Variants in PLEKHA5 observed in about 807,000 individuals in gnomAD.
The protein encoded by PLEKHA5 is pleckstrin homology domain-containing family A member 5.
A neutral mutation model predicts 181.9 loss-of-function variants in PLEKHA5; 55 were observed. The observed-to-expected ratio is 0.30, with a 90% confidence interval of 0.24 to 0.38. The LOEUF (loss-of-function observed/expected upper bound fraction) is 0.38. PLEKHA5 is among the 10% of genes least tolerant of loss of function. The probability of loss-of-function intolerance (pLI) is 1.00; values close to 1 mark genes in which losing one functional copy is unlikely to be tolerated. For synonymous variants in PLEKHA5, 535 were observed against 529.4 expected, an observed-to-expected ratio of 1.01 and a Z score of -0.15; for missense variants, 1,432 against 1,549.5, an observed-to-expected ratio of 0.92 and a Z score of 1.27.
chr12:19,262,904 G>A (rs1040252016), intron 7 of PLEKHA5, among the ~76,000 whole-genome samples: 2 of 152,114 alleles, frequency 1.3e-5, no homozygotes, highest in Admixed American at 1.3e-4. Context: ...CAAAAAACAA[G>A]CCATGCTGAG....
intron 25 of PLEKHA5, among the ~76,000 whole-genome samples, chr12:19,353,403 C>G (rs555389934): frequency 1.3e-5 from 2 of 152,078 alleles, no homozygotes; most frequent in Non-Finnish European, 2.9e-5. Flanking sequence ...GTGATTCACC[C>G]GCCTCAGCCT....
chr12:19,168,007 T>A (rs1466402841), intron 3 of PLEKHA5, among the ~76,000 whole-genome samples: 1 of 152,194 alleles, frequency 6.6e-6, no homozygotes, highest in African/African-American at 2.4e-5. Context: ...AAGTATGATA[T>A]GTATATCGGT....
At chr12:19,142,680 T>C (rs769530171) in intron 3 of PLEKHA5, among the ~76,000 whole-genome samples, 2 of 152,148 alleles carry the variant, frequency 1.3e-5, no homozygotes, top group Non-Finnish European at 2.9e-5. Flanking sequence ...AATTCACATA[T>C]CCACCTATAA....
At chr12:19,259,824 C>A (rs2067926498) in intron 6 of PLEKHA5, among the ~76,000 whole-genome samples, 1 of 141,764 alleles carries the variant, frequency 7.1e-6, no homozygotes, top group African/African-American at 2.6e-5. Flanking sequence ...TTTGGTATAG[C>A]TGTCAATTTT....
At chr12:19,134,921 T>C (rs894880592) in intron 3 of PLEKHA5, among the ~76,000 whole-genome samples, 11 of 152,162 alleles carry the variant, frequency 7.2e-5, no homozygotes, top group Admixed American at 7.2e-4. Context: ...TAGTTTTTCA[T>C]TGTCATTTCT....
chr12:19,159,547 T>C (rs2042504584), intron 3 of PLEKHA5, among the ~76,000 whole-genome samples: 1 of 152,186 alleles, frequency 6.6e-6, no homozygotes, highest in Admixed American at 6.5e-5. Flanking sequence ...TGTTCTGTTA[T>C]TCTGTTTATT....
chr12:19,201,826 A>C (rs2054271581), intron 3 of PLEKHA5: 1 of 152,646 alleles, frequency 6.6e-6, no homozygotes, highest in Non-Finnish European at 1.5e-5. Flanking sequence ...TTGACTGTAA[A>C]TGGGACATGA....
At chr12:19,155,584 C>G (rs923443846) in intron 3 of PLEKHA5, among the ~76,000 whole-genome samples, 2 of 152,154 alleles carry the variant, frequency 1.3e-5, no homozygotes, top group Non-Finnish European at 2.9e-5. Context: ...CTGTTTTCCT[C>G]TGCAATTGAA....
chr12:19,266,638 G>A (rs1196530656), intron 8 of PLEKHA5, among the ~76,000 whole-genome samples: 1 of 151,886 alleles, frequency 6.6e-6, no homozygotes, highest in Non-Finnish European at 1.5e-5. Flanking sequence ...ACAAAAATTA[G>A]CCAGGTGTGG....
chr12:19,148,295 G>A (rs1359619696), intron 3 of PLEKHA5, among the ~76,000 whole-genome samples: 1 of 151,838 alleles, frequency 6.6e-6, no homozygotes, highest in Non-Finnish European at 1.5e-5. Flanking sequence ...GACCTCAAGT[G>A]ATCCACCCGC....
chr12:19,307,092 G>C (rs916489885), intron 15 of PLEKHA5: 19 of 1,126,954 alleles, frequency 1.7e-5, no homozygotes, highest in Non-Finnish European at 2.5e-5. Flanking sequence ...AGTTGCTGAA[G>C]CTTATGAGCA....
chr12:19,348,264 G>A, intron 24 of PLEKHA5, 135 bp from the exon 25 acceptor site: 1 of 605,770 alleles, frequency 1.7e-6, no homozygotes, highest in Non-Finnish European at 2.8e-6. Context: ...TGTGACATAG[G>A]TATTATTTGT....
At chr12:19,301,966 C>A (rs1418207023) in intron 15 of PLEKHA5, among the ~76,000 whole-genome samples, 3 of 152,060 alleles carry the variant, frequency 2.0e-5, no homozygotes, top group Non-Finnish European at 4.4e-5. Context: ...ATCTAAATGA[C>A]CTATTTATAA....
At chr12:19,188,459 ATAT>A (rs763252903) in intron 3 of PLEKHA5, among the ~76,000 whole-genome samples, 2 of 152,248 alleles carry the variant, frequency 1.3e-5, no homozygotes, top group Non-Finnish European at 2.9e-5. Flanking sequence ...AGAAAGAAAA[ATAT>A]AGGAAGATAA....
At chr12:19,345,625 C>T (rs903536290) in intron 22 of PLEKHA5, among the ~76,000 whole-genome samples, 7 of 151,466 alleles carry the variant, frequency 4.6e-5, no homozygotes, top group South Asian at 4.2e-4. Context: ...ATCAGTTGGG[C>T]GTGGTGGCGC....
intron 16 of PLEKHA5, among the ~76,000 whole-genome samples, chr12:19,317,653 T>C (rs1417818371): frequency 6.6e-6 from 1 of 152,012 alleles, no homozygotes; most frequent in African/African-American, 2.4e-5. Context: ...CTAAGGGATA[T>C]TGAAGTTGAA....
At chr12:19,253,354 C>T (rs1237684202) in intron 3 of PLEKHA5, among the ~76,000 whole-genome samples, 2 of 151,292 alleles carry the variant, frequency 1.3e-5, no homozygotes, top group Non-Finnish European at 2.9e-5. Context: ...GGATTACAGG[C>T]GTGAGCCATG....
chr12:19,167,817 G>C lies in PLEKHA5; in HGVS notation c.227+35367G>C, dbSNP rs1010352160. Among the ~76,000 whole-genome samples the C allele has an allele frequency of 2.6e-5, 4 of 152,116 alleles. No individual in the cohort carries two copies. The South Asian group carries it at 6.2e-4, about 24-fold the overall frequency. On this transcript the variant is annotated intron_variant, in intron 3 of 31. Transcript: ENST00000429027. The stretch of plus-strand genomic sequence containing the variant: ...AAGAATGCAGTGTCATAAGATGTCT[G>C]CTGGGGAAAGTGACACACCACTTGA...
chr12:19,201,598 A>G (rs1382133907), intron 3 of PLEKHA5: 1 of 152,096 alleles, frequency 6.6e-6, no homozygotes, highest in Non-Finnish European at 1.5e-5. Context: ...GAGAGACAAA[A>G]TGTGTTTATT....
Sources: allele counts gnomAD v4.1 joint callset (sites outside exome capture counted in the v4.1 genomes callset), GRCh38; gene constraint gnomAD v4.1.1; transcripts MANE v1.5; gene names NCBI Gene and HGNC (gene_info 2026-07-23, HGNC 2026-07-21).